PLD3: variants seen among roughly 807,000 people sequenced by gnomAD.
The protein encoded by PLD3 is phospholipase D family member 3.
Under a neutral mutation model 58.4 loss-of-function variants are expected in PLD3, and 31 were observed. That is an observed-to-expected ratio of 0.53 (90% CI 0.40 to 0.72). The LOEUF is 0.72. PLD3 is among the 30% of genes least tolerant of loss of function. The probability of loss-of-function intolerance (pLI) is 0.00; values close to 1 mark genes in which losing one functional copy is unlikely to be tolerated. For synonymous variants in PLD3, 264 were observed against 273.4 expected (o/e 0.97, Z 0.34); for missense variants, 595 against 659.8 (o/e 0.90, Z 1.08).
At chr19:40,353,728 G>A (rs1001362355) in intron 1 of PLD3, among the ~76,000 whole-genome samples, 51 of 151,220 alleles carry the variant, frequency 3.4e-4, no homozygotes, top group Middle Eastern at 3.4e-3. Flanking sequence ...ACAGGTACCC[G>A]CCACCACGCC....
At chr19:40,367,617 A>C in intron 5 of PLD3, 79 bp from the exon 6 acceptor site, 1 of 1,250,790 alleles carries the variant, frequency 8.0e-7, no homozygotes, top group South Asian at 1.4e-5. Flanking sequence ...CAACACACCC[A>C]TGGACGGACA....
In PLD3 at chr19:40,369,904, G is replaced by T. The variant is rs112274606; in HGVS notation, c.430-4G>T. ...GCCCCTCAGAAGCTCTCCCCTCCCC[G>T]CAGGGTGAGGAGGTCCTCCGGCAGC... On this transcript the variant is annotated splice_region_variant and splice_polypyrimidine_tract_variant and intron_variant, in intron 6 of 12. Coordinates refer to ENST00000409735, the MANE Select transcript of PLD3 (RefSeq NM_012268.4). 5.2e-6 allele frequency: 8 copies of T among 1,553,040 alleles called. No homozygotes were observed. Among genetic ancestry groups the T allele is most frequent in the Middle Eastern group, 1.9e-4 (1 of 5,156 alleles).
At chr19:40,354,406 A>G (rs538769237) in intron 1 of PLD3, among the ~76,000 whole-genome samples, 11 of 151,092 alleles carry the variant, frequency 7.3e-5, no homozygotes, top group Non-Finnish European at 1.6e-4. Context: ...ACAAGATCTC[A>G]CTTTGTTGCC....
chr19:40,367,864 G>T lies in PLD3; in HGVS notation c.414G>T (p.Glu138Asp). 6.4e-7 allele frequency: 1 copy of T among 1,551,462 alleles called. No homozygotes were observed. Residue 138 changes from glutamate to aspartate, a missense_variant, in exon 6 of 13, where the codon GAG becomes GAT. By Grantham distance (45) the Glu-to-Asp change is conservative. Transcript: ENST00000409735. ...TLTNNDTHTQ[E>D]PSAQQGEEVL... ...CCAACAATGACACCCACACGCAGGA[G>T]CCCTCTGCCCAGCAGGTACCTGCAA... is the stretch of plus-strand genomic sequence containing the variant.
At position 40,369,994 on chromosome 19, in the gene PLD3, G is replaced by A; in HGVS notation, c.516G>A (p.Gln172=). Residue 172 remains glutamine, a synonymous_variant, in exon 7 of 13, where the codon CAG becomes CAA. Transcript: ENST00000409735. ...RIAVSKPSGP[Q]PQADLQALLQ... ...CTGTGAGCAAGCCCAGCGGGCCCCA[G>A]CCACAGGCGGACCTGCAGGCTCTGC... The A allele has an allele frequency of 1.9e-6, 3 of 1,560,236 alleles. No individual in the cohort carries two copies. The highest frequency in any genetic ancestry group is 2.6e-6 in the Non-Finnish European group (3 of 1,153,074).
At position 40,366,450 on chromosome 19, in the gene PLD3, C is replaced by G. The variant is rs749331824; in HGVS notation, c.-34C>G. The stretch of plus-strand genomic sequence containing the variant: ...GACCCTGACACACCCACCTTCTCAC[C>G]TGGGCTCTGCGTATCCCCCAGCCTT... On this transcript the variant is annotated 5_prime_UTR_variant, in exon 3 of 13. Transcript: ENST00000409735. 2 of 1,611,506 alleles carry G rather than the reference C, an allele frequency of 1.2e-6. No individual in the cohort carries two copies. Among genetic ancestry groups the G allele is most frequent in the Non-Finnish European group, 1.7e-6 (2 of 1,177,638 alleles).
chr19:40,372,871 C>G (rs2079100105), intron 9 of PLD3, among the ~76,000 whole-genome samples: 1 of 151,830 alleles, frequency 6.6e-6, no homozygotes, highest in Non-Finnish European at 1.5e-5. Flanking sequence ...TGCCCTGTCT[C>G]CAAAAAAAGA....
At chr19:40,353,316 C>G (rs539718418) in intron 1 of PLD3, among the ~76,000 whole-genome samples, 10 of 151,998 alleles carry the variant, frequency 6.6e-5, no homozygotes, top group South Asian at 4.2e-4. Context: ...TGTCATCCCA[C>G]CTACTCAGGA....
At chr19:40,377,569 T>G (rs1364444870) in intron 11 of PLD3, among the ~76,000 whole-genome samples, 2 of 152,040 alleles carry the variant, frequency 1.3e-5, no homozygotes, top group African/African-American at 4.8e-5. Context: ...GGAGCCATTC[T>G]GCCGGGAACA....
chr19:40,374,359 A>G (rs879869131), intron 9 of PLD3, 122 bp from the exon 10 acceptor site: 2 of 1,025,514 alleles, frequency 2.0e-6, no homozygotes, highest in Non-Finnish European at 2.9e-6. Flanking sequence ...CCTCTTCTTC[A>G]TGGAGGCTGA....
At chr19:40,377,752 C>A in intron 11 of PLD3, 34 bp from the exon 12 acceptor site, 1 of 1,549,796 alleles carries the variant, frequency 6.5e-7, no homozygotes, top group Non-Finnish European at 8.9e-7. Context: ...CCCCCTGCCT[C>A]TCACACTCCT....
At chr19:40,350,889 G>T (rs2145654293) in intron 1 of PLD3, among the ~76,000 whole-genome samples, 1 of 152,176 alleles carries the variant, frequency 6.6e-6, no homozygotes, top group East Asian at 1.9e-4. Context: ...TTTAAATAGG[G>T]TGGTCAGGGA....
chr19:40,351,063 C>G (rs150360846), intron 1 of PLD3, among the ~76,000 whole-genome samples: 1 of 151,758 alleles, frequency 6.6e-6, no homozygotes, highest in Non-Finnish European at 1.5e-5. Flanking sequence ...CATAGCGAAA[C>G]CCCATCTCTA....
chr19:40,374,598 C>G lies in PLD3; in HGVS notation c.997C>G (p.Leu333Val). ...CGCTGTCATGAACTACCTGCCCACT[C>G]TGGAGTTCTCCCACCCTCACAGGTA... ...YVAVMNYLPT[L>V]EFSHPHRFWP... The change falls in exon 10 of 13, where the codon CTG (leucine) becomes GTG (valine). Residue 333 changes from leucine (L) to valine (V), a missense_variant. By Grantham distance (32) the Leu-to-Val change is conservative. Transcript: ENST00000409735. The G allele has an allele frequency of 6.2e-7, 1 of 1,614,166 alleles. No individual in the cohort carries two copies. Among genetic ancestry groups the G allele is most frequent in the Admixed American group, 1.7e-5 (1 of 60,016 alleles).
At chr19:40,350,526 C>G (rs2078485747) in intron 1 of PLD3, among the ~76,000 whole-genome samples, 1 of 151,958 alleles carries the variant, frequency 6.6e-6, no homozygotes, top group South Asian at 2.1e-4. Flanking sequence ...GGTGGATCAC[C>G]TGAGACCAGG....
chr19:40,368,657 C>T (rs1046331530), intron 6 of PLD3, among the ~76,000 whole-genome samples: 1 of 152,104 alleles, frequency 6.6e-6, no homozygotes, highest in Non-Finnish European at 1.5e-5. Context: ...AATCCCAGCA[C>T]TTTGGGAGGC....
chr19:40,369,787 G>A, intron 6 of PLD3, 121 bp from the exon 7 acceptor site: 2 of 852,976 alleles, frequency 2.3e-6, no homozygotes. Flanking sequence ...TTTAATCTAT[G>A]CAGGCTAATG....
chr19:40,366,743 G>A, intron 4 of PLD3, 30 bp from the exon 5 acceptor site: 1 of 1,613,860 alleles, frequency 6.2e-7, no homozygotes, highest in Non-Finnish European at 8.5e-7. Context: ...GCCCCCCTCG[G>A]GCTGGCTGAC....
chr19:40,372,737 C>T (rs150024397), intron 9 of PLD3, among the ~76,000 whole-genome samples: 13 of 149,796 alleles, frequency 8.7e-5, no homozygotes, highest in East Asian at 4.0e-4. Context: ...TAAAATTAGC[C>T]GGGTGTGGTT....
Sources: gnomAD v4.1 joint callset for allele counts (sites outside exome capture counted in the v4.1 genomes callset) on GRCh38, gnomAD v4.1.1 for gene constraint, MANE v1.5 for transcripts, NCBI Gene and HGNC (gene_info 2026-07-23, HGNC 2026-07-21) for gene names.